The following PEX13 variants were observed in gnomAD, a reference collection of about 807,000 sequenced individuals.
PEX13 encodes the protein peroxisomal biogenesis factor 13.
In PEX13, 28 loss-of-function variants were observed where a neutral mutation model predicts 34.5. That is an observed-to-expected ratio of 0.81 (90% CI 0.60 to 1.11). PEX13 has a LOEUF of 1.11. Ranked by LOEUF, PEX13 falls within the 50% of genes most tolerant of loss-of-function variation. The probability of loss-of-function intolerance (pLI) is 0.00; values close to 1 mark genes in which losing one functional copy is unlikely to be tolerated. For synonymous variants in PEX13, 177 were observed against 175.1 expected, an observed-to-expected ratio of 1.01 and a Z score of -0.09; for missense variants, 550 against 491.0, an observed-to-expected ratio of 1.12 and a Z score of -1.13.
At chr2:61,047,620 A>T (rs1226650527) in intron 3 of PEX13, among the ~76,000 whole-genome samples, 1 of 152,182 alleles carries the variant, frequency 6.6e-6, no homozygotes, top group African/African-American at 2.4e-5. Flanking sequence ...TTTATATTTC[A>T]TTATTCTTCA....
intron 1 of PEX13, among the ~76,000 whole-genome samples, chr2:61,031,027 C>T (rs1268978023): frequency 1.3e-5 from 2 of 152,182 alleles, no homozygotes; most frequent in Non-Finnish European, 2.9e-5. Flanking sequence ...CAGTGGCTCA[C>T]ACCTGTAATC....
chr2:61,023,787 TTTTG>T (rs34837651), intron 1 of PEX13, among the ~76,000 whole-genome samples: 126 of 148,942 alleles, frequency 8.5e-4, no homozygotes, highest in South Asian at 4.5e-3. Flanking sequence ...CTGTCTTTTG[TTTTG>T]TTTGTTTGTT....
At chr2:61,037,064 G>T (rs1680548018) in intron 2 of PEX13, among the ~76,000 whole-genome samples, 1 of 152,150 alleles carries the variant, frequency 6.6e-6, no homozygotes, top group African/African-American at 2.4e-5. Context: ...AATTCAACAA[G>T]AAGAGCTAAC....
In PEX13 at chr2:61,048,795, G is replaced by T; in HGVS notation, c.*25G>T. ...ATATCTTTCATGTTTGCCTGCAGTTGAACAATACTTTAGAGTACTTTTTAA... is the reference window on the plus strand; with the variant it reads ...ATATCTTTCATGTTTGCCTGCAGTTTAACAATACTTTAGAGTACTTTTTAA... On this transcript the variant is annotated 3_prime_UTR_variant, in exon 4 of 4. Coordinates refer to ENST00000295030, the MANE Select transcript of PEX13 (RefSeq NM_002618.4). 1 of 1,562,236 alleles carries T rather than the reference G, an allele frequency of 6.4e-7. No homozygotes were observed. The highest frequency in any genetic ancestry group is 1.1e-5 in the South Asian group (1 of 89,900).
At position 61,018,119 on chromosome 2, in the gene PEX13, G is replaced by C. The variant is rs367945635; in HGVS notation, c.92+268G>C. The C allele has an allele frequency of 4.5e-4, 704 of 1,547,572 alleles. 1 individual carries two copies. Among genetic ancestry groups the C allele is most frequent in the Middle Eastern group, 4.0e-3 (22 of 5,434 alleles). On this transcript the variant is annotated intron_variant, in intron 1 of 3. Transcript: ENST00000295030. ...CTGGGTCTCTGTGCTTGAAAGAAAG[G>C]GGGGCGGCTTCCTACCTACCGCTTC...
intron 2 of PEX13, among the ~76,000 whole-genome samples, chr2:61,039,726 G>A (rs1680591296): frequency 6.6e-6 from 1 of 152,088 alleles, no homozygotes; most frequent in African/African-American, 2.4e-5. Flanking sequence ...GACAACAAAA[G>A]CCGGAATAGA....
intron 1 of PEX13, among the ~76,000 whole-genome samples, chr2:61,027,506 G>C (rs1384510914): frequency 2.0e-5 from 3 of 152,130 alleles, no homozygotes; most frequent in Non-Finnish European, 4.4e-5. Flanking sequence ...ACTGTCATCA[G>C]CAAATTTTAT....
chr2:61,023,007 ATTTCC>A, intron 1 of PEX13, among the ~76,000 whole-genome samples: 1 of 145,148 alleles, frequency 6.9e-6, no homozygotes, highest in South Asian at 2.1e-4. Flanking sequence ...GTTGAGTCTA[ATTTCC>A]TTTTTTTTTT....
intron 1 of PEX13, among the ~76,000 whole-genome samples, chr2:61,025,083 G>A (rs1680329104): frequency 6.6e-6 from 1 of 151,338 alleles, no homozygotes; most frequent in Admixed American, 6.6e-5. Context: ...TGTTTGTTTT[G>A]TTTTTGAGAC....
intron 2 of PEX13, among the ~76,000 whole-genome samples, chr2:61,034,671 G>A (rs751544917): frequency 3.3e-5 from 5 of 152,220 alleles, no homozygotes; most frequent in Non-Finnish European, 5.9e-5. Flanking sequence ...TGCCTGGCTC[G>A]GCAGGTCCCA....
intron 1 of PEX13, among the ~76,000 whole-genome samples, chr2:61,030,567 C>T (rs1235527444): frequency 6.6e-6 from 1 of 152,134 alleles, no homozygotes; most frequent in Non-Finnish European, 1.5e-5. Flanking sequence ...AGAGAAAATA[C>T]AGGTGTTAGA....
At position 61,045,881 on chromosome 2, in the gene PEX13, C is replaced by G. The variant is rs1197973957; in HGVS notation, c.913+30C>G. The G allele has an allele frequency of 3.8e-6, 6 of 1,569,930 alleles. No homozygotes were observed. The South Asian group carries it at 6.7e-5, about 17-fold the overall frequency. ...TAAATTATGAATAAGTTGGAATTATCTGTAAATTTTGATATTCATAAATGC... is the reference window on the plus strand; with the variant it reads ...TAAATTATGAATAAGTTGGAATTATGTGTAAATTTTGATATTCATAAATGC... On this transcript the variant is annotated intron_variant, in intron 3 of 3. Coordinates refer to ENST00000295030, the MANE Select transcript of PEX13 (RefSeq NM_002618.4).
At chr2:61,029,673 G>C (rs746530715) in intron 1 of PEX13, among the ~76,000 whole-genome samples, 4 of 152,114 alleles carry the variant, frequency 2.6e-5, no homozygotes, top group African/African-American at 9.7e-5. Flanking sequence ...TAGGCCAGAC[G>C]TGTTGGCTAA....
At chr2:61,040,840 T>TA (rs1421457532) in intron 2 of PEX13, among the ~76,000 whole-genome samples, 1 of 147,860 alleles carries the variant, frequency 6.8e-6, no homozygotes, top group Non-Finnish European at 1.5e-5. Context: ...TGTATATATA[T>TA]AAAAAAGTAT....
intron 1 of PEX13, among the ~76,000 whole-genome samples, chr2:61,027,917 A>C (rs1680388187): frequency 6.6e-6 from 1 of 152,224 alleles, no homozygotes; most frequent in Admixed American, 6.5e-5. Context: ...AAAAAAATAG[A>C]GTTCTAGTAG....
chr2:61,033,844 G>A (rs1680490737), intron 2 of PEX13, among the ~76,000 whole-genome samples: 1 of 152,192 alleles, frequency 6.6e-6, no homozygotes, highest in South Asian at 2.1e-4. Context: ...GGAGCAAAGT[G>A]TTAGTGGCAG....
At chr2:61,038,717 A>G (rs1680574048) in intron 2 of PEX13, among the ~76,000 whole-genome samples, 1 of 152,240 alleles carries the variant, frequency 6.6e-6, no homozygotes, top group South Asian at 2.1e-4. Context: ...GCCCTCTGTC[A>G]CCACTCCTAT....
chr2:61,022,381 A>G (rs1680279496), intron 1 of PEX13, among the ~76,000 whole-genome samples: 1 of 152,236 alleles, frequency 6.6e-6, no homozygotes, highest in African/African-American at 2.4e-5. Flanking sequence ...TTCGTGATGC[A>G]CGCACAAGCT....
rs528631529 is a variant in PEX13 at position 61,035,990 on chromosome 2, A to C, written c.787+3877A>C. On this transcript the variant is annotated intron_variant, in intron 2 of 3. Transcript: ENST00000295030. ...AAGAGCGAAACTCCATCTTAAAAAA[A>C]AAAAAAAAAGCCGATTCAATCAAGT... is the stretch of plus-strand genomic sequence containing the variant. 2.6e-5 allele frequency among the ~76,000 whole-genome samples: 4 copies of C among 152,034 alleles called. No individual in the cohort carries two copies. The East Asian group carries it at 7.7e-4, about 29-fold the overall frequency.
Sources: gnomAD v4.1 joint callset for allele counts (sites outside exome capture counted in the v4.1 genomes callset) on GRCh38, gnomAD v4.1.1 for gene constraint, MANE v1.5 for transcripts, NCBI Gene and HGNC (gene_info 2026-07-23, HGNC 2026-07-21) for gene names.